Variants in PAH observed in about 807,000 individuals in gnomAD.
PAH encodes the protein phenylalanine hydroxylase.
Under a neutral mutation model 62.0 loss-of-function variants are expected in PAH, and 64 were observed. The observed-to-expected ratio is 1.03, with a 90% CI of 0.84 to 1.27. PAH has a LOEUF of 1.27. Ranked by LOEUF, PAH falls within the 50% of genes most tolerant of loss-of-function variation. The probability of loss-of-function intolerance (pLI) is 0.00; values close to 1 mark genes in which losing one functional copy is unlikely to be tolerated. For missense variants in PAH, 579 were observed against 542.8 expected (o/e 1.07, Z -0.66); for synonymous variants, 195 against 196.2 (o/e 0.99, Z 0.05).
At position 102,839,008 on chromosome 12, in the gene PAH, C is replaced by G; in HGVS notation, c.*167G>C. 1.5e-6 allele frequency: 1 copy of G among 668,174 alleles called. No individual in the cohort carries two copies. The allele number at this position is 668,174 out of a possible 1,614,324, so 41.4% of individuals were successfully genotyped here. ...ATGCTCTTGAGTATGTACTCATATC[C>G]TGTCATTTCAGATTATTTTGACTTA... On this transcript the variant is annotated 3_prime_UTR_variant, in exon 13 of 13. Coordinates refer to ENST00000553106, the MANE Select transcript of PAH (RefSeq NM_000277.3).
At chr12:102,958,343 C>CACGGCCGCAGCCGCG (rs1410942514) in exon 1 of PAH, 1 of 1,456,882 alleles carries the variant, frequency 6.9e-7, no homozygotes, top group Non-Finnish European at 9.0e-7. Context: ...GTTTCTTTGC[C>CACGGCCGCAGCCGCG]ACGGCCGCAG....
intron 6 of PAH, chr12:102,854,661 C>A: frequency 1.4e-5 from 3 of 216,816 alleles, no homozygotes; most frequent in South Asian, 7.9e-5. Context: ...AAAACTGAGG[C>A]AGGTTTACTC....
chr12:102,871,971 T>A lies in PAH; in HGVS notation c.442-5308A>T, dbSNP rs1185822416. Among the ~76,000 whole-genome samples, 6 of 139,620 alleles carry A rather than the reference T, an allele frequency of 4.3e-5. No individual in the cohort carries two copies. The East Asian group carries it at 1.2e-3, about 29-fold the overall frequency. The allele number at this position is 139,620 out of a possible 152,430, so 91.6% of individuals were successfully genotyped here. A position where few individuals can be genotyped will look rare whatever the true frequency, so the allele number is the denominator to read the frequency against. ...AAAAATATATATATATATATATATA[T>A]ATATATATATATATTTGCAAAACCT... On this transcript the variant is annotated intron_variant, in intron 4 of 12. Transcript: ENST00000553106.
chr12:102,929,813 C>T (rs1017443327), intron 1 of PAH, among the ~76,000 whole-genome samples: 1 of 151,976 alleles, frequency 6.6e-6, no homozygotes. Context: ...TAGATATGAG[C>T]CAGCATGAGA....
intron 1 of PAH, among the ~76,000 whole-genome samples, chr12:102,949,872 T>C (rs1256105887): frequency 6.6e-6 from 1 of 152,196 alleles, no homozygotes; most frequent in East Asian, 1.9e-4. Flanking sequence ...TTCTTATACA[T>C]CTGCTTTAAT....
At position 102,912,905 on chromosome 12, in the gene PAH, G is replaced by A. The variant is rs1246404276; in HGVS notation, c.61-7C>T. On this transcript the variant is annotated splice_region_variant and splice_polypyrimidine_tract_variant and intron_variant, in intron 1 of 12. Transcript: ENST00000553106. Reference sequence around the variant, plus strand: ...CTTCAATATAGCTTGTTTCCTACAGGATAAGATGCATTTGTTTAAAACATT... The same window carrying A: ...CTTCAATATAGCTTGTTTCCTACAGAATAAGATGCATTTGTTTAAAACATT... 3 of 1,567,430 alleles carry A rather than the reference G, an allele frequency of 1.9e-6. No homozygotes were observed. Among genetic ancestry groups the A allele is most frequent in the Middle Eastern group, 1.7e-4 (1 of 5,986 alleles).
At chr12:102,908,028 A>G (rs1226461524) in intron 2 of PAH, among the ~76,000 whole-genome samples, 1 of 152,114 alleles carries the variant, frequency 6.6e-6, no homozygotes, top group Non-Finnish European at 1.5e-5. Flanking sequence ...TTTGGAAAAA[A>G]AAAAATCAAT....
At chr12:102,843,353 G>C (rs1332780917) in intron 11 of PAH, among the ~76,000 whole-genome samples, 3 of 152,048 alleles carry the variant, frequency 2.0e-5, no homozygotes, top group African/African-American at 7.2e-5. Flanking sequence ...AGACTTCTTT[G>C]ATTTTGTGGG....
intron 3 of PAH, among the ~76,000 whole-genome samples, chr12:102,882,834 A>T (rs10450750): frequency 0.016 from 2,394 of 152,138 alleles, 58 homozygotes; most frequent in African/African-American, 0.053. Flanking sequence ...AATGAATTAA[A>T]ATGCTCTTTC....
chr12:102,911,381 A>G (rs1337630283), intron 2 of PAH, among the ~76,000 whole-genome samples: 1 of 152,188 alleles, frequency 6.6e-6, no homozygotes, highest in East Asian at 1.9e-4. Context: ...GCAGTACTGA[A>G]TAGCAGTTAA....
chr12:102,944,631 C>G (rs1593004313), intron 1 of PAH, among the ~76,000 whole-genome samples: 2 of 152,152 alleles, frequency 1.3e-5, no homozygotes, highest in African/African-American at 4.8e-5. Context: ...TAAATTCATC[C>G]AATAGAATTC....
chr12:102,911,058 C>T (rs1418040939), intron 2 of PAH, among the ~76,000 whole-genome samples: 1 of 152,192 alleles, frequency 6.6e-6, no homozygotes, highest in Non-Finnish European at 1.5e-5. Context: ...TAGCTCATCA[C>T]TGTGGGTTGG....
intron 2 of PAH, among the ~76,000 whole-genome samples, chr12:102,903,360 C>CAA (rs34480214): frequency 0.089 from 11,698 of 131,836 alleles, 750 homozygotes; most frequent in African/African-American, 0.19. Flanking sequence ...GATTCTGTCT[C>CAA]AAAAAAAAAA....
At chr12:102,882,669 TATATATAA>T (rs564777366) in intron 3 of PAH, among the ~76,000 whole-genome samples, 3,881 of 44,488 alleles carry the variant, frequency 0.087, 94 homozygotes, top group African/African-American at 0.16. Context: ...TATATATATA[TATATATAA>T]AATTTTTTTC....
chr12:102,948,504 T>G (rs1879596758), intron 1 of PAH, among the ~76,000 whole-genome samples: 1 of 151,742 alleles, frequency 6.6e-6, no homozygotes, highest in African/African-American at 2.4e-5. Flanking sequence ...GTTGTTCCTG[T>G]GGATCTTTTC....
At chr12:102,944,523 C>G (rs747939176) in intron 1 of PAH, among the ~76,000 whole-genome samples, 3 of 152,188 alleles carry the variant, frequency 2.0e-5, no homozygotes, top group Non-Finnish European at 4.4e-5. Flanking sequence ...TCTGCTTCGT[C>G]AATTATCTTA....
rs1166069532 is a variant in PAH, at chr12:102,899,858, C to CAAAAAAA, written c.169-4947_169-4941dup. 6.4e-3 allele frequency among the ~76,000 whole-genome samples: 61 copies of CAAAAAAA among 9,536 alleles called. 4 individuals are homozygous for CAAAAAAA. The highest frequency in any genetic ancestry group is 0.011 in the African/African-American group (33 of 3,008). 6.3% of individuals were successfully genotyped at this position (9,536 alleles called of 152,430 possible). On this transcript the variant is annotated intron_variant, in intron 2 of 12. Coordinates refer to ENST00000553106, the MANE Select transcript of PAH (RefSeq NM_000277.3). ...TGGGCGACAGAGCGAGACTCCGTCT[C>CAAAAAAA]AAAAAAAAAAAAAAAAAAAAAAAAA...
intron 3 of PAH, among the ~76,000 whole-genome samples, chr12:102,884,008 T>A (rs1876928844): frequency 6.6e-6 from 1 of 152,240 alleles, no homozygotes; most frequent in Non-Finnish European, 1.5e-5. Context: ...TGCTTCTAAG[T>A]ATCTGATAGT....
At chr12:102,939,711 G>A (rs1018904876) in intron 1 of PAH, among the ~76,000 whole-genome samples, 35 of 152,314 alleles carry the variant, frequency 2.3e-4, no homozygotes, top group African/African-American at 4.8e-4. Context: ...CACCCCACCC[G>A]TAGGTGATGA....
Sources: gnomAD v4.1 joint callset for allele counts (sites outside exome capture counted in the v4.1 genomes callset) on GRCh38, gnomAD v4.1.1 for gene constraint, MANE v1.5 for transcripts, NCBI Gene and HGNC (gene_info 2026-07-23, HGNC 2026-07-21) for gene names.